The following UNC79 variants were observed in gnomAD, a reference collection of about 807,000 sequenced individuals.
UNC79 encodes protein unc-79 homolog.
A neutral mutation model predicts 283.1 loss-of-function variants in UNC79; 37 were observed. The observed-to-expected ratio is 0.13, with a 90% confidence interval of 0.10 to 0.17. The LOEUF is 0.17. UNC79 is among the 10% of genes least tolerant of loss of function. The pLI, the probability that UNC79 is intolerant of heterozygous loss-of-function variation, is 1.00. For missense variants in UNC79, 2,272 were observed against 3,211.1 expected, an observed-to-expected ratio of 0.71 and a Z score of 7.07; for synonymous variants, 1,107 against 1,200.2, an observed-to-expected ratio of 0.92 and a Z score of 1.61.
At chr14:93,625,193 A>G (rs754578058) in intron 30 of UNC79, among the ~76,000 whole-genome samples, 20 of 152,080 alleles carry the variant, frequency 1.3e-4, no homozygotes, top group Non-Finnish European at 2.8e-4. Flanking sequence ...TGCTTTCCCT[A>G]CAGCCCATGT....
chr14:93,392,854 A>T (rs2054911897), intron 1 of UNC79, among the ~76,000 whole-genome samples: 1 of 152,254 alleles, frequency 6.6e-6, no homozygotes, highest in Admixed American at 6.5e-5. Context: ...GTCATTGGTG[A>T]TAGGTTACAA....
intron 27 of UNC79, among the ~76,000 whole-genome samples, chr14:93,614,574 C>T (rs909354634): frequency 2.0e-5 from 3 of 151,644 alleles, no homozygotes; most frequent in Non-Finnish European, 4.4e-5. Context: ...CCACCTTGGC[C>T]TCCCAAAGTG....
intron 7 of UNC79, among the ~76,000 whole-genome samples, chr14:93,503,194 T>C (rs149782361): frequency 1.4e-3 from 220 of 152,236 alleles, no homozygotes; most frequent in Admixed American, 2.4e-3. Context: ...ATGTGTGTGT[T>C]GTGTGTATGT....
intron 24 of UNC79, 23 bp from the exon 25 acceptor site, chr14:93,600,546 T>C (rs958514611): frequency 1.3e-6 from 2 of 1,559,776 alleles, no homozygotes; most frequent in African/African-American, 2.8e-5. Context: ...TCTTTTCTTT[T>C]TTTTTTTCCT....
At chr14:93,622,830 A>G (rs1456345115) in exon 30 of UNC79, 2 of 1,613,226 alleles carry the variant, frequency 1.2e-6, no homozygotes, top group African/African-American at 2.7e-5. Flanking sequence ...CTGGGAGAAC[A>G]GAAAGATCCA....
chr14:93,420,720 C>G (rs1348298723), intron 1 of UNC79, among the ~76,000 whole-genome samples: 1 of 151,648 alleles, frequency 6.6e-6, no homozygotes, highest in Non-Finnish European at 1.5e-5. Context: ...CAAAACAAGT[C>G]TTAAAACATC....
intron 14 of UNC79, among the ~76,000 whole-genome samples, chr14:93,554,232 C>G (rs974547529): frequency 1.3e-5 from 2 of 151,924 alleles, no homozygotes; most frequent in Non-Finnish European, 2.9e-5. Context: ...CCTGCAGTCC[C>G]AGCTACTCGG....
chr14:93,529,384 C>T (rs1277350995), intron 10 of UNC79, 58 bp downstream of exon 10: 2 of 1,565,074 alleles, frequency 1.3e-6, no homozygotes, highest in South Asian at 2.3e-5. Context: ...GACATAGTTG[C>T]TTTATCTCCT....
chr14:93,481,745 A>G (rs965967808), intron 4 of UNC79, among the ~76,000 whole-genome samples: 3 of 152,336 alleles, frequency 2.0e-5, no homozygotes, highest in Admixed American at 2.0e-4. Context: ...GACTAATAAC[A>G]CATAGAAAAA....
intron 1 of UNC79, among the ~76,000 whole-genome samples, chr14:93,459,450 A>G (rs1226454922): frequency 6.6e-6 from 1 of 152,242 alleles, no homozygotes; most frequent in South Asian, 2.1e-4. Context: ...ACTTAGTGAA[A>G]TATTGGAAAC....
intron 1 of UNC79, among the ~76,000 whole-genome samples, chr14:93,352,259 AC>A (rs1338054205): frequency 1.3e-5 from 2 of 152,120 alleles, no homozygotes; most frequent in African/African-American, 4.8e-5. Context: ...GTGAGACCTT[AC>A]TTTTGCTGCC....
At chr14:93,470,614 A>G (rs2140294887) in intron 2 of UNC79, among the ~76,000 whole-genome samples, 1 of 152,294 alleles carries the variant, frequency 6.6e-6, no homozygotes, top group African/African-American at 2.4e-5. Context: ...AATTTCATCC[A>G]GCGTTGGAAT....
chr14:93,658,714 G>A (rs2071219000), intron 38 of UNC79, among the ~76,000 whole-genome samples: 1 of 152,142 alleles, frequency 6.6e-6, no homozygotes, highest in African/African-American at 2.4e-5. Context: ...TGGTTCTTAT[G>A]TGGATTCATG....
intron 1 of UNC79, among the ~76,000 whole-genome samples, chr14:93,401,820 G>C (rs893902378): frequency 6.6e-6 from 1 of 152,266 alleles, no homozygotes; most frequent in East Asian, 1.9e-4. Context: ...GTTCTGGACT[G>C]GTTGTCCAGA....
chr14:93,477,912 C>T (rs542590794), intron 4 of UNC79, among the ~76,000 whole-genome samples, 184 bp downstream of exon 4: 8 of 152,088 alleles, frequency 5.3e-5, no homozygotes, highest in South Asian at 2.1e-4. Context: ...AAATGAAAGG[C>T]GTTAGGGCTT....
At chr14:93,588,941 AAAGTGTT>A (rs2064443577) in intron 22 of UNC79, among the ~76,000 whole-genome samples, 2 of 152,086 alleles carry the variant, frequency 1.3e-5, no homozygotes, top group African/African-American at 4.8e-5. Context: ...AGGCAAAGAG[AAAGTGTT>A]AAGGGGAGTT....
At chr14:93,706,633 C>T (rs539392842) in intron 48 of UNC79, 71 bp from the exon 52 acceptor site, 51 of 1,574,798 alleles carry the variant, frequency 3.2e-5, no homozygotes, top group African/African-American at 1.6e-4. Flanking sequence ...TGCAAGAAGC[C>T]GCCCGGGTCG....
At chr14:93,654,221 T>G (rs1214383219) in intron 37 of UNC79, among the ~76,000 whole-genome samples, 196 bp downstream of exon 40, 4 of 152,152 alleles carry the variant, frequency 2.6e-5, no homozygotes, top group Non-Finnish European at 5.9e-5. Context: ...CTGAGTGCAG[T>G]GGCTCATGCC....
At chr14:93,604,909 C>A in intron 26 of UNC79, 1 of 1,582,274 alleles carries the variant, frequency 6.3e-7, no homozygotes, top group East Asian at 2.3e-5. Flanking sequence ...TGAGGTTGAC[C>A]AGGCATGAGC....
Sources: gnomAD v4.1 joint callset for allele counts (sites outside exome capture counted in the v4.1 genomes callset) on GRCh38, gnomAD v4.1.1 for gene constraint, MANE v1.5 for transcripts, NCBI Gene and HGNC (gene_info 2026-07-23, HGNC 2026-07-21) for gene names.